The following DISC1 variants were observed in gnomAD, a reference collection of about 807,000 sequenced individuals.
DISC1 encodes DISC1 scaffold protein, also known as disrupted in schizophrenia 1 protein.
In DISC1, 57 loss-of-function variants were observed where a neutral mutation model predicts 84.5. The ratio of observed to expected loss-of-function variants is 0.67; its 90% CI spans 0.55 to 0.84. The LOEUF (loss-of-function observed/expected upper bound fraction) is 0.84, where lower values mean the gene tolerates loss of function less well. Among genes scored for constraint, DISC1 ranks in the 40% least tolerant of loss-of-function variants. DISC1 has a pLI of 0.00. For synonymous variants in DISC1, 411 were observed against 415.2 expected, an observed-to-expected ratio of 0.99 and a Z score of 0.12; for missense variants, 1,000 against 1,057.8, an observed-to-expected ratio of 0.95 and a Z score of 0.76.
chr1:231,900,358 A>G (rs747237300), intron 9 of DISC1, among the ~76,000 whole-genome samples: 21 of 152,246 alleles, frequency 1.4e-4, no homozygotes, highest in Non-Finnish European at 2.5e-4. Context: ...TATCACAAGA[A>G]GCAGTGGGTG....
chr1:231,721,196 T>G (rs894991166), intron 3 of DISC1: 1 of 979,442 alleles, frequency 1.0e-6, no homozygotes, highest in African/African-American at 1.7e-5. Context: ...ACTGTGCTGA[T>G]TGAAAGGAGC....
intron 3 of DISC1, among the ~76,000 whole-genome samples, chr1:231,741,205 A>G (rs1054119163): frequency 6.6e-6 from 1 of 152,224 alleles, no homozygotes; most frequent in Non-Finnish European, 1.5e-5. Context: ...AAATACCACG[A>G]GAGACTCACG....
intron 1 of DISC1, among the ~76,000 whole-genome samples, chr1:231,668,768 G>A (rs1558287484): frequency 6.6e-6 from 1 of 152,200 alleles, no homozygotes; most frequent in Non-Finnish European, 1.5e-5. Context: ...CCTTTAAATT[G>A]ACAAGCACCA....
chr1:231,887,462 G>T (rs1342500287), intron 9 of DISC1, among the ~76,000 whole-genome samples: 1 of 152,216 alleles, frequency 6.6e-6, no homozygotes, highest in African/African-American at 2.4e-5. Flanking sequence ...TTTCATCATA[G>T]ACAGATGGAT....
chr1:231,795,924 T>A (rs72758654), intron 7 of DISC1, among the ~76,000 whole-genome samples: 18,535 of 152,156 alleles, frequency 0.12, 1,215 homozygotes, highest in Non-Finnish European at 0.14. Flanking sequence ...TGGTAGTAAT[T>A]TGAGAAATTA....
At chr1:231,886,843 C>G (rs1381808247) in intron 9 of DISC1, among the ~76,000 whole-genome samples, 1 of 88,352 alleles carries the variant, frequency 1.1e-5, no homozygotes, top group Admixed American at 1.5e-4. Context: ...TTCCTTCTTT[C>G]TTTTCTTTCT....
At chr1:231,639,195 C>G (rs2059427042) in intron 1 of DISC1, among the ~76,000 whole-genome samples, 1 of 152,136 alleles carries the variant, frequency 6.6e-6, no homozygotes, top group African/African-American at 2.4e-5. Flanking sequence ...GCACACTTTT[C>G]ATGTAGATTG....
chr1:231,649,786 G>T (rs2060461729), intron 1 of DISC1, among the ~76,000 whole-genome samples: 1 of 152,176 alleles, frequency 6.6e-6, no homozygotes, highest in South Asian at 2.1e-4. Context: ...TCTTCTTGTT[G>T]AATTGATCCC....
chr1:231,665,239 G>A (rs553833222), intron 1 of DISC1, among the ~76,000 whole-genome samples: 1 of 152,300 alleles, frequency 6.6e-6, no homozygotes, highest in East Asian at 1.9e-4. Context: ...CTAACCGTCT[G>A]CACATGAGCA....
rs911514555 is a variant in DISC1, at chr1:231,822,546, T to C, written c.1981+4029T>C. ...TGGGATTAGGACCTTTTGCTTTAGA[T>C]AGAAAAGTTGTAAGTTCGCAATGAC... On this transcript the variant is annotated intron_variant, in intron 9 of 12. Transcript: ENST00000439617. 2.6e-5 allele frequency among the ~76,000 whole-genome samples: 4 copies of C among 152,272 alleles called. No individual in the cohort carries two copies. The East Asian group carries it at 5.8e-4, about 22-fold the overall frequency.
intron 9 of DISC1, among the ~76,000 whole-genome samples, chr1:231,885,233 TGCTAGGGC>T (rs1442491336): frequency 6.6e-6 from 1 of 152,222 alleles, no homozygotes; most frequent in Non-Finnish European, 1.5e-5. Flanking sequence ...GCAAAACTTC[TGCTAGGGC>T]TAAAGGAAAA....
chr1:231,966,560 A>C (rs1024086608), intron 10 of DISC1, among the ~76,000 whole-genome samples: 1 of 152,264 alleles, frequency 6.6e-6, no homozygotes, highest in Non-Finnish European at 1.5e-5. Context: ...CTCTGGACCA[A>C]GTGGGCCAAG....
chr1:231,815,035 G>C (rs971675366), intron 8 of DISC1: 3 of 151,240 alleles, frequency 2.0e-5, no homozygotes, highest in Admixed American at 1.3e-4. Flanking sequence ...GAGAAAGTTT[G>C]TAGCTATTAT....
At chr1:231,705,321 T>TTA (rs1553316313) in intron 3 of DISC1, among the ~76,000 whole-genome samples, 2 of 104,116 alleles carry the variant, frequency 1.9e-5, no homozygotes, top group African/African-American at 3.9e-5. Flanking sequence ...AAAAAATCAT[T>TTA]AAAAAAAAAA....
chr1:231,823,266 A>C (rs1427456948), intron 9 of DISC1, among the ~76,000 whole-genome samples: 2 of 152,212 alleles, frequency 1.3e-5, no homozygotes, highest in African/African-American at 4.8e-5. Flanking sequence ...AAAAGAATAA[A>C]ATCTATGGGT....
At chr1:231,917,675 G>A (rs2089733924) in intron 9 of DISC1, among the ~76,000 whole-genome samples, 1 of 152,158 alleles carries the variant, frequency 6.6e-6, no homozygotes, top group Non-Finnish European at 1.5e-5. Context: ...GCCAGCGATG[G>A]GGCAGGAGTG....
intron 1 of DISC1, among the ~76,000 whole-genome samples, chr1:231,633,884 CTTTTT>C (rs547057206): frequency 7.4e-6 from 1 of 135,444 alleles, no homozygotes; most frequent in African/African-American, 2.8e-5. Flanking sequence ...TACCTGTCAT[CTTTTT>C]TTTTTTTTTT....
intron 10 of DISC1, among the ~76,000 whole-genome samples, chr1:232,004,198 C>T (rs1036636790): frequency 6.6e-6 from 1 of 151,168 alleles, no homozygotes; most frequent in Admixed American, 6.6e-5. Flanking sequence ...GATAATAAAT[C>T]CAAAGAAATG....
intron 9 of DISC1, among the ~76,000 whole-genome samples, chr1:231,819,687 C>T (rs925417771): frequency 7.2e-5 from 11 of 152,104 alleles, no homozygotes; most frequent in Non-Finnish European, 1.3e-4. Flanking sequence ...CCCAAGACAC[C>T]GCAGCCTGGT....
Sources: allele counts gnomAD v4.1 joint callset (sites outside exome capture counted in the v4.1 genomes callset), GRCh38; gene constraint gnomAD v4.1.1; transcripts MANE v1.5; gene names NCBI Gene and HGNC (gene_info 2026-07-23, HGNC 2026-07-21).